Variants in ZNF154 observed in about 807,000 individuals in gnomAD.
ZNF154 encodes zinc finger protein 154, also known as zinc finger protein 154 (pHZ-92).
ZNF154 carries 6 observed loss-of-function variants against 7.5 expected under a neutral mutation model. The observed-to-expected ratio is 0.80, with a 90% confidence interval of 0.44 to 1.57. The LOEUF is 1.57. Ranked by LOEUF, ZNF154 falls within the 40% of genes most tolerant of loss-of-function variation. ZNF154 has a pLI of 0.01. For missense variants in ZNF154, 485 were observed against 531.4 expected (o/e 0.91, Z 0.86); for synonymous variants, 187 against 185.9 (o/e 1.01, Z -0.05).
At chr19:57,705,977 G>A (rs1985371650) in intron 1 of ZNF154, among the ~76,000 whole-genome samples, 1 of 152,100 alleles carries the variant, frequency 6.6e-6, no homozygotes. Context: ...TGACCTGGTA[G>A]GGAGCTGAAA....
chr19:57,705,059 C>T, intron 1 of ZNF154, 80 bp from the exon 2 acceptor site: 2 of 1,507,090 alleles, frequency 1.3e-6, no homozygotes, highest in Non-Finnish European at 1.8e-6. Flanking sequence ...ATCTTTACCC[C>T]ATGCCCATTC....
At position 57,702,010 on chromosome 19, in the gene ZNF154, G is replaced by A. The variant is rs770974239; in HGVS notation, c.939C>T (p.Asn313=). The change falls in exon 3 of 3, where the codon AAC becomes AAT. Residue 313 remains asparagine (N), a synonymous_variant. Transcript: ENST00000684351. The part of the protein sequence containing the change: ...CSECGKSFSQ[N]SSLIEHHRVH... ...CCCTATGGTGTTCAATGAGGCTAGA[G>A]TTTTGGCTAAATGACTTCCCACATT... The A allele has an allele frequency of 6.2e-7, 1 of 1,613,058 alleles. No individual in the cohort carries two copies. The highest frequency in any genetic ancestry group is 2.2e-5 in the East Asian group (1 of 44,824).
chr19:57,704,856 G>A lies in ZNF154; in HGVS notation c.157C>T (p.Leu53=). 1 of 1,612,256 alleles carries A rather than the reference G, an allele frequency of 6.2e-7. No homozygotes were observed. Among genetic ancestry groups the A allele is most frequent in the Non-Finnish European group, 8.5e-7 (1 of 1,179,436 alleles). ...MLENLALLTS[L]DVHHQKQHLG... ...GGAAAGGGTAAAAGAACCTTACCTA[G>A]AGAGGTTAAAAGAGCCAAGTTCTCC... is the stretch of plus-strand genomic sequence containing the variant. Residue 53 remains leucine, a synonymous_variant, in exon 2 of 3, where the codon CTA becomes TTA. Transcript: ENST00000684351.
rs1328630200 is a variant in ZNF154, at chr19:57,700,563, GA to G, written c.*1071del. Reference sequence around the variant, plus strand: ...TTACCACCTGTGGTGCTACCCTGTGGAATTCAGGATATCAAGGCATACAGGA... The same window carrying G: ...TTACCACCTGTGGTGCTACCCTGTGGATTCAGGATATCAAGGCATACAGGA... On this transcript the variant is annotated 3_prime_UTR_variant, in exon 3 of 3. Transcript: ENST00000684351. The G allele has an allele frequency of 6.6e-6, 1 of 152,180 alleles. No homozygotes were observed. Among genetic ancestry groups the G allele is most frequent in the African/African-American group, 2.4e-5 (1 of 41,434 alleles). The allele number at this position is 152,180 out of a possible 1,614,324, so 9.4% of individuals were successfully genotyped here.
intron 1 of ZNF154, among the ~76,000 whole-genome samples, chr19:57,707,689 C>T (rs1255859211): frequency 6.6e-6 from 1 of 152,224 alleles, no homozygotes; most frequent in Non-Finnish European, 1.5e-5. Context: ...GTCCTGACTC[C>T]TTCCCCCTGC....
intron 2 of ZNF154, 112 bp from the exon 3 acceptor site, chr19:57,702,900 A>G: frequency 1.9e-6 from 2 of 1,067,894 alleles, no homozygotes; most frequent in Non-Finnish European, 2.7e-6. Context: ...ACCAGGCTAC[A>G]CGTCTCACAG....
chr19:57,706,620 A>T (rs1472005522), intron 1 of ZNF154, among the ~76,000 whole-genome samples: 2 of 152,208 alleles, frequency 1.3e-5, no homozygotes, highest in African/African-American at 2.4e-5. Flanking sequence ...CATCCACCTT[A>T]TATCCACTCT....
chr19:57,706,747 C>T (rs1985408931), intron 1 of ZNF154, among the ~76,000 whole-genome samples: 1 of 152,238 alleles, frequency 6.6e-6, no homozygotes, highest in African/African-American at 2.4e-5. Flanking sequence ...ACTTATCCAA[C>T]CAAAAGGCTT....
At position 57,700,106 on chromosome 19, in the gene ZNF154, G is replaced by A. The variant is rs1306160022; in HGVS notation, c.*1529C>T. 6.6e-6 allele frequency: 1 copy of A among 152,200 alleles called. No homozygotes were observed. Among genetic ancestry groups the A allele is most frequent in the African/African-American group, 2.4e-5 (1 of 41,444 alleles). 9.4% of individuals were successfully genotyped at this position (152,200 alleles called of 1,614,324 possible). ...GGAAAATCAGGTTTGACAACCCTAT[G>A]TTGATTCCACCATCTCTCTCCTCAT... On this transcript the variant is annotated 3_prime_UTR_variant, in exon 3 of 3. Transcript: ENST00000684351.
Position 57,699,473 on chromosome 19 carries a change from G to A in ZNF154, c.*2162C>T, listed in dbSNP as rs56241609. 0.11 allele frequency: 41,557 copies of A among 361,568 alleles called. 2,883 individuals are homozygous for A. The highest frequency in any genetic ancestry group is 0.15 in the Non-Finnish European group (25,362 of 174,886). 22.4% of individuals were successfully genotyped at this position (361,568 alleles called of 1,614,324 possible). A position where few individuals can be genotyped will look rare whatever the true frequency, so the allele number is the denominator to read the frequency against. ...CACATTTGGCCCAGGAACTGCTAACGAATGTACAGTGCAGTGGTGGTTCAA... is the reference window on the plus strand; with the variant it reads ...CACATTTGGCCCAGGAACTGCTAACAAATGTACAGTGCAGTGGTGGTTCAA... On this transcript the variant is annotated 3_prime_UTR_variant, in exon 3 of 3. Coordinates refer to ENST00000684351, the MANE Select transcript of ZNF154 (RefSeq NM_001085384.3).
rs1212529154 is a variant in ZNF154, at chr19:57,696,895, A to G, written c.*4740T>C. 4.6e-5 allele frequency among the ~76,000 whole-genome samples: 7 copies of G among 152,176 alleles called. No individual in the cohort carries two copies. Among genetic ancestry groups the G allele is most frequent in the Non-Finnish European group, 8.8e-5 (6 of 68,020 alleles). On this transcript the variant is annotated 3_prime_UTR_variant, in exon 3 of 3. Transcript: ENST00000684351. ...AGCTCGCACTGTCCTGTCCCGATGT[A>G]TCATCCAGCAGCCCCAAGGCAGCTC...
chr19:57,701,080 A>G lies in ZNF154; in HGVS notation c.*555T>C, dbSNP rs1289239231. 1 of 155,466 alleles carries G rather than the reference A, an allele frequency of 6.4e-6. No individual in the cohort carries two copies. Among genetic ancestry groups the G allele is most frequent in the Non-Finnish European group, 1.4e-5 (1 of 70,144 alleles). The allele number at this position is 155,466 out of a possible 1,614,324, so 9.6% of individuals were successfully genotyped here. ...CATGTGAGACCAACAATATCCTGAAATATGTAGTCCCTCTTTTCAGGTCAC... is the reference window on the plus strand; with the variant it reads ...CATGTGAGACCAACAATATCCTGAAGTATGTAGTCCCTCTTTTCAGGTCAC... On this transcript the variant is annotated 3_prime_UTR_variant, in exon 3 of 3. Transcript: ENST00000684351.
At position 57,701,842 on chromosome 19, in the gene ZNF154, G is replaced by T; in HGVS notation, c.1107C>A (p.Ser369Arg). 6.2e-7 allele frequency: 1 copy of T among 1,614,032 alleles called. No individual in the cohort carries two copies. The highest frequency in any genetic ancestry group is 1.1e-5 in the South Asian group (1 of 91,066). ...CTCTCTGGTGTTTTCGGAGACTGGA[G>T]CTGTAGGGAAAGAACTTCCCACATT... Reference protein sequence around the residue: ...CSECGKFFPYSSSLRKHQRVH... With the variant: ...CSECGKFFPYRSSLRKHQRVH... Residue 369 changes from serine (S) to arginine (R), a missense_variant, in exon 3 of 3, where the codon AGC becomes AGA. Coordinates refer to ENST00000684351, the MANE Select transcript of ZNF154 (RefSeq NM_001085384.3).
intron 2 of ZNF154, among the ~76,000 whole-genome samples, chr19:57,703,912 G>A (rs1160304534): frequency 6.6e-6 from 1 of 152,140 alleles, no homozygotes; most frequent in Non-Finnish European, 1.5e-5. Flanking sequence ...AGGAGGCTGA[G>A]GCAGGAGAAT....
Position 57,702,101 on chromosome 19 carries a change from G to A in ZNF154, c.848C>T (p.Thr283Ile), listed in dbSNP as rs758516032. ...GTGTTTTATGAGACTGGAATGATATGTAAAAAACTTCCCACATTCACTGCA... is the reference window on the plus strand; with the variant it reads ...GTGTTTTATGAGACTGGAATGATATATAAAAAACTTCCCACATTCACTGCA... ...YECSECGKFF[T>I]YHSSLIKHQK... The change falls in exon 3 of 3, where the codon ACA becomes ATA. Residue 283 changes from threonine (T) to isoleucine (I), a missense_variant. Transcript: ENST00000684351. 9.3e-6 allele frequency: 15 copies of A among 1,610,656 alleles called. No individual in the cohort carries two copies. The highest frequency in any genetic ancestry group is 1.2e-5 in the Non-Finnish European group (14 of 1,179,478).
rs762733856 is a variant in ZNF154 at position 57,701,707 on chromosome 19, C to A, written c.1242G>T (p.Glu414Asp). The A allele has an allele frequency of 9.3e-6, 15 of 1,614,170 alleles. No individual in the cohort carries two copies. The highest frequency in any genetic ancestry group is 1.3e-5 in the Non-Finnish European group (15 of 1,180,008). The change falls in exon 3 of 3, where the codon GAG becomes GAT. Residue 414 changes from glutamate to aspartate, a missense_variant. Physicochemically the swap from Glu to Asp is conservative, Grantham distance 45. Coordinates refer to ENST00000684351, the MANE Select transcript of ZNF154 (RefSeq NM_001085384.3). ...TAAAGGATTTCCCACATTCCGTGCACTCATAAGGCTTCTCCCCAGTGTGAA... is the reference window on the plus strand; with the variant it reads ...TAAAGGATTTCCCACATTCCGTGCAATCATAAGGCTTCTCCCCAGTGTGAA... ...RRVHTGEKPY[E>D]CTECGKSFSH...
In ZNF154 at chr19:57,698,090, C is replaced by T. The variant is rs946617214; in HGVS notation, c.*3545G>A. 2 of 151,842 alleles carry T rather than the reference C, an allele frequency of 1.3e-5. No individual in the cohort carries two copies. The highest frequency in any genetic ancestry group is 2.9e-5 in the Non-Finnish European group (2 of 67,960). 9.4% of individuals were successfully genotyped at this position (151,842 alleles called of 1,614,324 possible). On this transcript the variant is annotated 3_prime_UTR_variant, in exon 3 of 3. Coordinates refer to ENST00000684351, the MANE Select transcript of ZNF154 (RefSeq NM_001085384.3). Reference sequence around the variant, plus strand: ...ATGAATAAACGAATACTGGTATATCCACAGAACATCATACTTCTCAGCAAT... The same window carrying T: ...ATGAATAAACGAATACTGGTATATCTACAGAACATCATACTTCTCAGCAAT...
At chr19:57,705,559 G>A (rs2122407218) in intron 1 of ZNF154, among the ~76,000 whole-genome samples, 2 of 152,210 alleles carry the variant, frequency 1.3e-5, no homozygotes, top group Middle Eastern at 6.8e-3. Context: ...TTCAAGACCA[G>A]CCTGACCAAT....
In ZNF154 at chr19:57,702,250, A is replaced by G; in HGVS notation, c.699T>C (p.Ile233=). Residue 233 remains isoleucine, a synonymous_variant, in exon 3 of 3, where the codon ATT becomes ATC. Transcript: ENST00000684351. ...GKLFSNKSNL[I]KHRRVHTGER... ...CCCCAGTGTGAACTCTCCGATGTTT[A>G]ATGAGGTTAGACTTGTTGCTAAATA... The G allele has an allele frequency of 6.2e-7, 1 of 1,614,194 alleles. No individual in the cohort carries two copies. Among genetic ancestry groups the G allele is most frequent in the Non-Finnish European group, 8.5e-7 (1 of 1,180,036 alleles).
Sources: gnomAD v4.1 joint callset for allele counts (sites outside exome capture counted in the v4.1 genomes callset) on GRCh38, gnomAD v4.1.1 for gene constraint, MANE v1.5 for transcripts, NCBI Gene and HGNC (gene_info 2026-07-23, HGNC 2026-07-21) for gene names.